Variants in ADCY5 observed in about 807,000 individuals in gnomAD.
The protein encoded by ADCY5 is adenylate cyclase 5.
In ADCY5, 30 loss-of-function variants were observed where a neutral mutation model predicts 119.7. The ratio of observed to expected loss-of-function variants is 0.25; its 90% CI spans 0.19 to 0.34. ADCY5 has a LOEUF of 0.34. Among genes scored for constraint, ADCY5 ranks in the 10% least tolerant of loss-of-function variants. ADCY5 has a pLI of 1.00. For synonymous variants in ADCY5, 753 were observed against 762.2 expected, an observed-to-expected ratio of 0.99 and a Z score of 0.20; for missense variants, 1,324 against 1,775.2, an observed-to-expected ratio of 0.75 and a Z score of 4.57.
At chr3:123,309,177 C>G (rs1177839893) in intron 12 of ADCY5, among the ~76,000 whole-genome samples, 3 of 152,278 alleles carry the variant, frequency 2.0e-5, no homozygotes, top group African/African-American at 7.2e-5. Flanking sequence ...CCCCGGGCCC[C>G]TGTCTGTGAT....
intron 1 of ADCY5, among the ~76,000 whole-genome samples, chr3:123,385,929 G>T (rs2107572500): frequency 6.6e-6 from 1 of 152,266 alleles, no homozygotes; most frequent in Non-Finnish European, 1.5e-5. Context: ...GCTCTCCAGG[G>T]TAGGTGCTCT....
In ADCY5 at chr3:123,300,190, C is replaced by T. The variant is rs1339168382; in HGVS notation, c.2830G>A (p.Val944Met). Residue 944 changes from valine to methionine, a missense_variant, in exon 15 of 21, where the codon GTG becomes ATG. By Grantham distance (21) the Val-to-Met change is conservative. Coordinates refer to ENST00000462833, the MANE Select transcript of ADCY5 (RefSeq NM_183357.3). ...VLMLAIELIY[V>M]LIVEVPGVTL... ...ACACCTGGCACCTCCACGATGAGCACGTAGATGAGCTCGATGGCCAGCATG... is the reference window on the plus strand; with the variant it reads ...ACACCTGGCACCTCCACGATGAGCATGTAGATGAGCTCGATGGCCAGCATG... 10 of 1,613,742 alleles carry T rather than the reference C, an allele frequency of 6.2e-6. No homozygotes were observed. Among genetic ancestry groups the T allele is most frequent in the African/African-American group, 2.7e-5 (2 of 74,938 alleles).
rs1426007024 is a variant in ADCY5, at chr3:123,382,583, C to T, written c.1135-30002G>A. Among the ~76,000 whole-genome samples the T allele has an allele frequency of 3.9e-5, 6 of 152,198 alleles. No individual in the cohort carries two copies. In the East Asian group the frequency reaches 1.2e-3, roughly 29 times the overall value. Reference sequence around the variant, plus strand: ...TATCTATACACAATGGAACATTATTCAACCTTCAATAGGAATGAGATGCTG... The same window carrying T: ...TATCTATACACAATGGAACATTATTTAACCTTCAATAGGAATGAGATGCTG... On this transcript the variant is annotated intron_variant, in intron 1 of 20. Transcript: ENST00000462833.
chr3:123,379,679 G>A (rs1425868727), intron 1 of ADCY5, among the ~76,000 whole-genome samples: 1 of 151,874 alleles, frequency 6.6e-6, no homozygotes, highest in Non-Finnish European at 1.5e-5. Context: ...CAGAGCGGGG[G>A]TGGGTGTGTG....
intron 1 of ADCY5, among the ~76,000 whole-genome samples, chr3:123,410,183 G>A (rs553567313): frequency 6.3e-4 from 96 of 152,288 alleles, no homozygotes; most frequent in African/African-American, 2.3e-3. Flanking sequence ...GGGAGGGAAG[G>A]ATGGGGGCTG....
intron 1 of ADCY5, among the ~76,000 whole-genome samples, chr3:123,404,727 C>G (rs989966071): frequency 6.6e-6 from 1 of 152,218 alleles, no homozygotes; most frequent in Non-Finnish European, 1.5e-5. Flanking sequence ...GAGTTCAGCA[C>G]TCGAGAATTT....
At chr3:123,335,167 G>A (rs555963147) in intron 3 of ADCY5, among the ~76,000 whole-genome samples, 34 of 152,200 alleles carry the variant, frequency 2.2e-4, no homozygotes, top group South Asian at 8.3e-4. Flanking sequence ...CCGAGCCAGC[G>A]CAAAGACATT....
intron 1 of ADCY5, chr3:123,416,077 T>G: frequency 7.7e-7 from 1 of 1,290,620 alleles, no homozygotes; most frequent in Non-Finnish European, 1.1e-6. Flanking sequence ...GGGGTTACAG[T>G]ACAGGCCCCA....
In ADCY5 at chr3:123,448,851, C is replaced by T. The variant is rs1356077201; in HGVS notation, c.-306G>A. 3.5e-6 allele frequency: 1 copy of T among 288,790 alleles called. No individual in the cohort carries two copies. The highest frequency in any genetic ancestry group is 6.4e-6 in the Non-Finnish European group (1 of 155,662). 17.9% of individuals were successfully genotyped at this position (288,790 alleles called of 1,614,324 possible). A position where few individuals can be genotyped will look rare whatever the true frequency, so the allele number is the denominator to read the frequency against. The stretch of plus-strand genomic sequence containing the variant: ...GCTGCGCCGCACGCGGAGAGACGTC[C>T]GGGATCCTGGCTCGCGTCGAGCTCG... On this transcript the variant is annotated 5_prime_UTR_variant, in exon 1 of 21. Transcript: ENST00000462833.
intron 1 of ADCY5, among the ~76,000 whole-genome samples, chr3:123,432,362 G>A (rs1270588852): frequency 1.3e-5 from 2 of 152,128 alleles, no homozygotes; most frequent in Non-Finnish European, 2.9e-5. Flanking sequence ...GAAGTGGGGA[G>A]GAGGCAGCAG....
At position 123,359,593 on chromosome 3, in the gene ADCY5, A is replaced by G. The variant is rs150069521; in HGVS notation, c.1135-7012T>C. On this transcript the variant is annotated intron_variant, in intron 1 of 20. Transcript: ENST00000462833. ...TGCATCAGAGTCTGCAATCACCCCA[A>G]TGAAGTGCAAGCCAAAGAGGTAAGA... Among the ~76,000 whole-genome samples, 1,492 of 151,828 alleles carry G rather than the reference A, an allele frequency of 9.8e-3. 14 individuals are homozygous for G. The highest frequency in any genetic ancestry group is 0.015 in the Admixed American group (234 of 15,234).
At position 123,448,521 on chromosome 3, in the gene ADCY5, G is replaced by C; in HGVS notation, c.25C>G (p.Pro9Ala). 1 of 1,266,204 alleles carries C rather than the reference G, an allele frequency of 7.9e-7. No homozygotes were observed. Among genetic ancestry groups the C allele is most frequent in the African/African-American group, 1.5e-5 (1 of 64,686 alleles). 78.4% of individuals were successfully genotyped at this position (1,266,204 alleles called of 1,614,324 possible). MSGSKSVS[P>A]PGYAAQKTAA... ...GTCTTCTGCGCCGCGTAGCCCGGGG[G>C]GCTCACGCTTTTGGAGCCGGACATC... Residue 9 changes from proline (P) to alanine (A), a missense_variant, in exon 1 of 21, where the codon CCC becomes GCC. Pro to Ala is a conservative substitution (Grantham distance 27). Coordinates refer to ENST00000462833, the MANE Select transcript of ADCY5 (RefSeq NM_183357.3).
chr3:123,372,224 G>A (rs1451516808), intron 1 of ADCY5, among the ~76,000 whole-genome samples: 4 of 152,016 alleles, frequency 2.6e-5, no homozygotes, highest in African/African-American at 9.7e-5. Context: ...AATCCTAGCT[G>A]CCAAAGGACA....
chr3:123,306,330 T>G (rs896918146), intron 12 of ADCY5, among the ~76,000 whole-genome samples: 4 of 151,930 alleles, frequency 2.6e-5, no homozygotes, highest in African/African-American at 9.7e-5. Flanking sequence ...GATATCCACA[T>G]GCAAAAAATG....
intron 1 of ADCY5, among the ~76,000 whole-genome samples, chr3:123,356,465 T>C (rs114857821): frequency 0.012 from 1,840 of 152,266 alleles, 26 homozygotes; most frequent in African/African-American, 0.04. Flanking sequence ...AAAATCGTGA[T>C]AGATCTTCAC....
At chr3:123,445,492 C>T (rs1389587871) in intron 1 of ADCY5, among the ~76,000 whole-genome samples, 1 of 152,094 alleles carries the variant, frequency 6.6e-6, no homozygotes, top group Non-Finnish European at 1.5e-5. Context: ...GATGACATGC[C>T]CCTTCCTCTG....
intron 3 of ADCY5, among the ~76,000 whole-genome samples, chr3:123,335,090 AC>A (rs1324771225): frequency 6.6e-6 from 1 of 152,066 alleles, no homozygotes; most frequent in Non-Finnish European, 1.5e-5. Context: ...GCTGACGACA[AC>A]CCCTGCCCTC....
intron 1 of ADCY5, among the ~76,000 whole-genome samples, chr3:123,383,529 A>G (rs4678021): frequency 0.47 from 72,094 of 152,010 alleles, 17,864 homozygotes; most frequent in East Asian, 0.68. Context: ...ACGGTGAGGT[A>G]GATAGGGGCT....
Position 123,447,805 on chromosome 3 carries a change from G to A in ADCY5, c.741C>T (p.Ala247=), listed in dbSNP as rs764944310. ...LNQSSLTMLM[A]VLVLVCLVML... is the part of the protein sequence containing the mutation. ...TGACCAGGCACACGAGCACCAGCACGGCCATGAGCATGGTGAGGCTGCTCT... is the reference window on the plus strand; with the variant it reads ...TGACCAGGCACACGAGCACCAGCACAGCCATGAGCATGGTGAGGCTGCTCT... Residue 247 remains alanine, a synonymous_variant, in exon 1 of 21, where the codon GCC becomes GCT. Transcript: ENST00000462833. 26 of 1,612,390 alleles carry A rather than the reference G, an allele frequency of 1.6e-5. No homozygotes were observed. The highest frequency in any genetic ancestry group is 2.0e-5 in the Non-Finnish European group (24 of 1,179,432).
Sources: allele counts gnomAD v4.1 joint callset (sites outside exome capture counted in the v4.1 genomes callset), GRCh38; gene constraint gnomAD v4.1.1; transcripts MANE v1.5; gene names NCBI Gene and HGNC (gene_info 2026-07-23, HGNC 2026-07-21).